Variants in CHRM3 observed in about 807,000 individuals in gnomAD.
CHRM3 encodes the protein cholinergic receptor muscarinic 3, also known as muscarinic acetylcholine receptor M3.
CHRM3 carries 11 observed loss-of-function variants against 41.8 expected under a neutral mutation model. The observed-to-expected ratio is 0.26, with a 90% CI of 0.17 to 0.44. CHRM3 has a LOEUF of 0.44. Among genes scored for constraint, CHRM3 ranks in the 20% least tolerant of loss-of-function variants. The pLI is 1.00. For synonymous variants in CHRM3, 297 were observed against 301.4 expected (o/e 0.99, Z 0.15); for missense variants, 571 against 745.4 (o/e 0.77, Z 2.72).
chr1:239,606,661 G>A (rs1011757449), intron 3 of CHRM3, among the ~76,000 whole-genome samples: 3 of 152,086 alleles, frequency 2.0e-5, no homozygotes, highest in Non-Finnish European at 2.9e-5. Flanking sequence ...TTAAGACTGC[G>A]AAGAGATCCT....
intron 2 of CHRM3, among the ~76,000 whole-genome samples, chr1:239,543,506 TTATTTTA>T (rs2148401486): frequency 6.6e-6 from 1 of 150,698 alleles, no homozygotes; most frequent in East Asian, 2.0e-4. Context: ...AGCAACCGAT[TTATTTTA>T]TTTTTTTTTT....
chr1:239,400,817 T>TG (rs1341253970), intron 1 of CHRM3, among the ~76,000 whole-genome samples: 1 of 152,184 alleles, frequency 6.6e-6, no homozygotes, highest in Non-Finnish European at 1.5e-5. Context: ...TGTGTGTGTG[T>TG]TTTTATGCCA....
intron 5 of CHRM3, among the ~76,000 whole-genome samples, chr1:239,764,482 G>C (rs373909045): frequency 9.2e-5 from 14 of 152,300 alleles, no homozygotes; most frequent in East Asian, 7.8e-4. Flanking sequence ...CAGATCAGCT[G>C]CTCTGAGTGT....
intron 6 of CHRM3, among the ~76,000 whole-genome samples, chr1:239,902,319 A>T (rs796098885): frequency 3.6e-4 from 55 of 152,152 alleles, no homozygotes; most frequent in African/African-American, 1.3e-3. Context: ...TTCTAGTTTT[A>T]TAGATGAAGA....
intron 1 of CHRM3, among the ~76,000 whole-genome samples, chr1:239,444,753 A>G (rs887368437): frequency 6.6e-6 from 1 of 152,188 alleles, no homozygotes; most frequent in African/African-American, 2.4e-5. Context: ...TACGAGATGA[A>G]GACAAAAAAA....
At chr1:239,843,059 G>A (rs940769832) in intron 6 of CHRM3, among the ~76,000 whole-genome samples, 5 of 152,194 alleles carry the variant, frequency 3.3e-5, no homozygotes, top group Admixed American at 6.5e-5. Flanking sequence ...AGCCCCTTAT[G>A]TGGCTTTCTT....
chr1:239,519,426 C>T (rs1669479071), intron 2 of CHRM3, among the ~76,000 whole-genome samples: 1 of 152,134 alleles, frequency 6.6e-6, no homozygotes, highest in African/African-American at 2.4e-5. Flanking sequence ...CCAAGATTAA[C>T]TTGCAAAATT....
At chr1:239,851,928 G>T (rs907296075) in intron 6 of CHRM3, among the ~76,000 whole-genome samples, 1 of 152,050 alleles carries the variant, frequency 6.6e-6, no homozygotes, top group Non-Finnish European at 1.5e-5. Context: ...CTTATTAGAG[G>T]TGAAGACTCT....
At chr1:239,700,575 A>G (rs1194222006) in intron 5 of CHRM3, among the ~76,000 whole-genome samples, 1 of 152,136 alleles carries the variant, frequency 6.6e-6, no homozygotes, top group Non-Finnish European at 1.5e-5. Context: ...TTTCCTAGGT[A>G]AACATTCTCA....
At chr1:239,479,326 G>C (rs115254077) in intron 1 of CHRM3, among the ~76,000 whole-genome samples, 3,639 of 151,794 alleles carry the variant, frequency 0.024, 65 homozygotes, top group South Asian at 0.057. Flanking sequence ...CGTTATAGTC[G>C]AAATGCTATA....
chr1:239,680,782 A>C (rs1658483548), intron 5 of CHRM3, among the ~76,000 whole-genome samples: 1 of 151,394 alleles, frequency 6.6e-6, no homozygotes, highest in East Asian at 1.9e-4. Flanking sequence ...CATGTAGATG[A>C]CCTTCCTTCC....
intron 1 of CHRM3, among the ~76,000 whole-genome samples, chr1:239,402,435 T>C (rs1660056596): frequency 6.6e-6 from 1 of 152,214 alleles, no homozygotes; most frequent in Admixed American, 6.5e-5. Context: ...CTCTAACTTG[T>C]TCCCTGCTTT....
At chr1:239,740,315 A>G (rs1664725725) in intron 5 of CHRM3, among the ~76,000 whole-genome samples, 1 of 152,186 alleles carries the variant, frequency 6.6e-6, no homozygotes, top group South Asian at 2.1e-4. Context: ...AGTGCTTTGC[A>G]TAAAATTTGG....
intron 6 of CHRM3, among the ~76,000 whole-genome samples, chr1:239,876,362 T>C (rs541102773): frequency 1.2e-4 from 18 of 152,084 alleles, no homozygotes; most frequent in African/African-American, 4.1e-4. Context: ...CAGCTGGAGG[T>C]AGTGTAAGCA....
At chr1:239,854,146 C>T (rs997993081) in intron 6 of CHRM3, among the ~76,000 whole-genome samples, 3 of 151,954 alleles carry the variant, frequency 2.0e-5, no homozygotes, top group African/African-American at 7.2e-5. Flanking sequence ...AATTTTGAAA[C>T]TTAAAATAAA....
Position 239,909,285 on chromosome 1 carries a change from A to T in CHRM3, c.*61A>T. 6.7e-7 allele frequency: 1 copy of T among 1,500,212 alleles called. No individual in the cohort carries two copies. The highest frequency in any genetic ancestry group is 9.0e-7 in the Non-Finnish European group (1 of 1,116,960). 92.9% of individuals were successfully genotyped at this position (1,500,212 alleles called of 1,614,324 possible). ...ACATCAACCCACAGACCTTAGGAGG[A>T]GGAAGGCGAGGGCGGGGTGACTTCT... On this transcript the variant is annotated 3_prime_UTR_variant, in exon 7 of 7. Coordinates refer to ENST00000676153, the MANE Select transcript of CHRM3 (RefSeq NM_001375978.1).
chr1:239,586,554 A>T (rs1663421453), intron 3 of CHRM3, among the ~76,000 whole-genome samples: 1 of 152,182 alleles, frequency 6.6e-6, no homozygotes, highest in Non-Finnish European at 1.5e-5. Flanking sequence ...CATTTCAAGG[A>T]TCTTATGCTT....
intron 5 of CHRM3, among the ~76,000 whole-genome samples, chr1:239,710,662 T>C (rs1452747235): frequency 6.6e-6 from 1 of 152,222 alleles, no homozygotes; most frequent in Non-Finnish European, 1.5e-5. Context: ...GAGAATTTAG[T>C]AACTATATTG....
intron 6 of CHRM3, among the ~76,000 whole-genome samples, chr1:239,902,216 G>A (rs1679635858): frequency 6.6e-6 from 1 of 152,120 alleles, no homozygotes; most frequent in Non-Finnish European, 1.5e-5. Context: ...TTGGGAGAAG[G>A]GAGGCAAGAT....
Sources: gnomAD v4.1 joint callset for allele counts (sites outside exome capture counted in the v4.1 genomes callset) on GRCh38, gnomAD v4.1.1 for gene constraint, MANE v1.5 for transcripts, NCBI Gene and HGNC (gene_info 2026-07-23, HGNC 2026-07-21) for gene names.